Variants in NUDCD3 observed in about 807,000 individuals in gnomAD.
The protein encoded by NUDCD3 is NudC domain containing 3, also known as nudC domain-containing protein 3.
In NUDCD3, 13 loss-of-function variants were observed where a neutral mutation model predicts 39.7. That is an observed-to-expected ratio of 0.33 (90% CI 0.21 to 0.52). The LOEUF is 0.52. Among genes scored for constraint, NUDCD3 ranks in the 20% least tolerant of loss-of-function variants. The pLI, the probability that NUDCD3 is intolerant of heterozygous loss-of-function variation, is 0.96. For synonymous variants in NUDCD3, 175 were observed against 172.4 expected, an observed-to-expected ratio of 1.02 and a Z score of -0.12; for missense variants, 453 against 458.1, an observed-to-expected ratio of 0.99 and a Z score of 0.10.
rs186550139 is a variant in NUDCD3 at position 44,477,782 on chromosome 7, C to T, written c.509+7186G>A. Among the ~76,000 whole-genome samples, 4 of 151,028 alleles carry T rather than the reference C, an allele frequency of 2.6e-5. No individual in the cohort carries two copies. The East Asian group carries it at 7.8e-4, about 29-fold the overall frequency. On this transcript the variant is annotated intron_variant, in intron 2 of 5. Coordinates refer to ENST00000355451, the MANE Select transcript of NUDCD3 (RefSeq NM_015332.4). ...TACATAAACACTGAGGCTCAAATGG[C>T]ACTTTTTCACTTTTTACAAAGTCTT...
At chr7:44,433,316 G>T (rs922223926) in intron 2 of NUDCD3, among the ~76,000 whole-genome samples, 4 of 152,128 alleles carry the variant, frequency 2.6e-5, no homozygotes, top group Non-Finnish European at 5.9e-5. Context: ...TGCACTGTGT[G>T]GTAAAAGTAT....
chr7:44,461,484 G>A (rs189765936), intron 2 of NUDCD3, among the ~76,000 whole-genome samples: 1 of 152,006 alleles, frequency 6.6e-6, no homozygotes, highest in Admixed American at 6.6e-5. Context: ...GTCTCCCTGT[G>A]GGGGGAGGCA....
At chr7:44,468,112 T>A (rs1282432371) in intron 2 of NUDCD3, 1 of 1,608,748 alleles carries the variant, frequency 6.2e-7, no homozygotes, top group East Asian at 2.2e-5. Context: ...TGCTGCCCAG[T>A]GGCTTCCGGA....
chr7:44,490,499 G>C lies in NUDCD3; in HGVS notation c.102C>G (p.Leu34=), dbSNP rs141964517. The change falls in exon 1 of 6, where the codon CTC becomes CTG. Residue 34 remains leucine, a synonymous_variant. Transcript: ENST00000355451. The part of the protein sequence containing the change: ...QDFLRVLFGF[L]YRKTDFYRLL... ...AGCGATAGAAGTCTGTCTTGCGGTA[G>C]AGGAAGCCAAAGAGAACGCGCAGGA... The C allele has an allele frequency of 1.2e-6, 2 of 1,610,472 alleles. No individual in the cohort carries two copies. Among genetic ancestry groups the C allele is most frequent in the Admixed American group, 1.7e-5 (1 of 59,670 alleles).
In NUDCD3 at chr7:44,384,435, C is replaced by A. The variant is rs1798364297; in HGVS notation, c.*1576G>T. The stretch of plus-strand genomic sequence containing the variant: ...CAAATATCAGACAACAAGACTCTCA[C>A]ATTCCAAAGGGGGTATCTAGGGCCT... On this transcript the variant is annotated 3_prime_UTR_variant, in exon 6 of 6. Coordinates refer to ENST00000355451, the MANE Select transcript of NUDCD3 (RefSeq NM_015332.4). 1 of 152,240 alleles carries A rather than the reference C, an allele frequency of 6.6e-6. No homozygotes were observed. The highest frequency in any genetic ancestry group is 2.4e-5 in the African/African-American group (1 of 41,448). 9.4% of individuals were successfully genotyped at this position (152,240 alleles called of 1,614,324 possible).
rs559928951 is a variant in NUDCD3, at chr7:44,442,784, C to T, written c.510-15081G>A. Reference sequence around the variant, plus strand: ...TATCGCGGCTCACTGCAAGCTCCGCCTCCCGGGTTCACGCCATTCTCCTGC... The same window carrying T: ...TATCGCGGCTCACTGCAAGCTCCGCTTCCCGGGTTCACGCCATTCTCCTGC... On this transcript the variant is annotated intron_variant, in intron 2 of 5. Coordinates refer to ENST00000355451, the MANE Select transcript of NUDCD3 (RefSeq NM_015332.4). Among the ~76,000 whole-genome samples the T allele has an allele frequency of 4.0e-4, 61 of 151,666 alleles. 2 individuals carry two copies. The South Asian group carries it at 0.013, about 32-fold the overall frequency.
intron 5 of NUDCD3, among the ~76,000 whole-genome samples, chr7:44,387,401 T>A (rs188105413): frequency 1.3e-5 from 2 of 152,336 alleles, no homozygotes; most frequent in East Asian, 3.9e-4. Context: ...TAGGGATTAA[T>A]TGACATTACT....
intron 2 of NUDCD3, among the ~76,000 whole-genome samples, chr7:44,459,388 A>G (rs1799965210): frequency 6.6e-6 from 1 of 151,474 alleles, no homozygotes. Context: ...GGATCTCACT[A>G]TGTTGCCCAG....
At chr7:44,470,741 C>G (rs1327406681) in intron 2 of NUDCD3, among the ~76,000 whole-genome samples, 1 of 152,224 alleles carries the variant, frequency 6.6e-6, no homozygotes, top group African/African-American at 2.4e-5. Context: ...AGCACAATGT[C>G]TGGAAGACAG....
At chr7:44,423,894 T>C (rs1318901700) in intron 3 of NUDCD3, among the ~76,000 whole-genome samples, 1 of 152,190 alleles carries the variant, frequency 6.6e-6, no homozygotes, top group Non-Finnish European at 1.5e-5. Context: ...CTTCAAACTA[T>C]ACTACAAGGC....
chr7:44,490,614 C>T lies in NUDCD3; in HGVS notation c.-14G>A. 1 of 1,592,956 alleles carries T rather than the reference C, an allele frequency of 6.3e-7. No individual in the cohort carries two copies. On this transcript the variant is annotated 5_prime_UTR_variant, in exon 1 of 6. Coordinates refer to ENST00000355451, the MANE Select transcript of NUDCD3 (RefSeq NM_015332.4). The stretch of plus-strand genomic sequence containing the variant: ...CCCTGTCTCCATGTCGCCTCCCGCC[C>T]TAGGTACGCTTCACACACACAGCGC...
intron 3 of NUDCD3, among the ~76,000 whole-genome samples, chr7:44,412,470 C>T (rs895680960): frequency 6.6e-5 from 10 of 152,126 alleles, no homozygotes; most frequent in East Asian, 3.8e-4. Context: ...CATTTTAGAA[C>T]GCCTGTATCT....
At chr7:44,453,217 G>C (rs1166965550) in intron 2 of NUDCD3, among the ~76,000 whole-genome samples, 1 of 152,170 alleles carries the variant, frequency 6.6e-6, no homozygotes, top group African/African-American at 2.4e-5. Flanking sequence ...GCGGGGCATG[G>C]TGGCGTGCGC....
intron 2 of NUDCD3, among the ~76,000 whole-genome samples, chr7:44,452,310 C>T (rs1189583456): frequency 6.6e-6 from 1 of 152,242 alleles, no homozygotes; most frequent in Non-Finnish European, 1.5e-5. Flanking sequence ...GGGATGGGGG[C>T]GCACGCCCCC....
chr7:44,477,525 A>C (rs761552366), intron 2 of NUDCD3, among the ~76,000 whole-genome samples: 8 of 152,154 alleles, frequency 5.3e-5, no homozygotes, highest in Non-Finnish European at 1.2e-4. Flanking sequence ...CTACAGCAAC[A>C]CCTGCAGGTC....
At chr7:44,461,493 C>T (rs1800013701) in intron 2 of NUDCD3, among the ~76,000 whole-genome samples, 1 of 152,146 alleles carries the variant, frequency 6.6e-6, no homozygotes, top group Non-Finnish European at 1.5e-5. Context: ...TGGGGGGAGG[C>T]ACACTCATAA....
At chr7:44,430,729 TTGGGGACGC>T (rs1563174534) in intron 2 of NUDCD3, among the ~76,000 whole-genome samples, 1 of 152,126 alleles carries the variant, frequency 6.6e-6, no homozygotes, top group African/African-American at 2.4e-5. Flanking sequence ...GGGGATATCC[TTGGGGACGC>T]TGCCGCCAGC....
intron 4 of NUDCD3, among the ~76,000 whole-genome samples, chr7:44,396,105 G>C (rs888475181): frequency 6.6e-6 from 1 of 151,674 alleles, no homozygotes; most frequent in Admixed American, 6.6e-5. Context: ...GTGTGTGTGT[G>C]TGTGTGTGTG....
At chr7:44,396,088 TGTG>T (rs1446053166) in intron 4 of NUDCD3, among the ~76,000 whole-genome samples, 4 of 29,202 alleles carry the variant, frequency 1.4e-4, no homozygotes, top group East Asian at 1.0e-3. Context: ...TATCTTCTGT[TGTG>T]TGTGTGTGTG....
Sources: gnomAD v4.1 joint callset for allele counts (sites outside exome capture counted in the v4.1 genomes callset) on GRCh38, gnomAD v4.1.1 for gene constraint, MANE v1.5 for transcripts, NCBI Gene and HGNC (gene_info 2026-07-23, HGNC 2026-07-21) for gene names.